Variants in SNAP47 observed in about 807,000 individuals in gnomAD.
The protein encoded by SNAP47 is synaptosomal-associated protein 47.
SNAP47 carries 20 observed loss-of-function variants against 31.4 expected under a neutral mutation model. That is an observed-to-expected ratio of 0.64 (90% CI 0.45 to 0.93). The LOEUF is 0.93. SNAP47 is among the 40% of genes least tolerant of loss of function. The pLI is 0.00. For missense variants in SNAP47, 492 were observed against 528.5 expected (o/e 0.93, Z 0.68); for synonymous variants, 194 against 213.4 (o/e 0.91, Z 0.79).
chr1:227,736,670 T>G (rs1368825158), intron 1 of SNAP47, among the ~76,000 whole-genome samples: 1 of 149,388 alleles, frequency 6.7e-6, no homozygotes, highest in Non-Finnish European at 1.5e-5. Flanking sequence ...CAGCTTAGTT[T>G]TGTTTTTTTG....
chr1:227,776,545 A>G (rs930534652), intron 4 of SNAP47: 3 of 985,416 alleles, frequency 3.0e-6, no homozygotes, highest in African/African-American at 1.7e-5. Flanking sequence ...CACAATGGCT[A>G]GATGGCTTGT....
In SNAP47 at chr1:227,742,303, C is replaced by T. The variant is rs927086910; in HGVS notation, c.-45-5389C>T. 2.6e-5 allele frequency among the ~76,000 whole-genome samples: 4 copies of T among 152,246 alleles called. No homozygotes were observed. In the South Asian group the frequency reaches 6.2e-4, roughly 24 times the overall value. ...AGGCTGGAGTGCAGTGGTACAATCA[C>T]GACTCACTGCAGCCTGGACCTCCCA... On this transcript the variant is annotated intron_variant, in intron 1 of 4. Coordinates refer to ENST00000617596, the MANE Select transcript of SNAP47 (RefSeq NM_053052.4).
At chr1:227,775,039 C>G (rs999231606) in intron 4 of SNAP47, among the ~76,000 whole-genome samples, 1 of 152,176 alleles carries the variant, frequency 6.6e-6, no homozygotes, top group African/African-American at 2.4e-5. Flanking sequence ...CTCATTGCCT[C>G]GACCCACCGC....
At chr1:227,768,537 C>A (rs1432742138) in intron 4 of SNAP47, among the ~76,000 whole-genome samples, 1 of 152,218 alleles carries the variant, frequency 6.6e-6, no homozygotes, top group Non-Finnish European at 1.5e-5. Flanking sequence ...TTGAGGCCAG[C>A]TTGTTTGGGG....
At chr1:227,774,046 C>T (rs1240535404) in intron 4 of SNAP47, among the ~76,000 whole-genome samples, 1 of 152,224 alleles carries the variant, frequency 6.6e-6, no homozygotes, top group East Asian at 1.9e-4. Context: ...GGAGGAGACA[C>T]CTGCTGTGGA....
At chr1:227,771,970 C>T (rs2087290693) in intron 4 of SNAP47, among the ~76,000 whole-genome samples, 2 of 152,180 alleles carry the variant, frequency 1.3e-5, no homozygotes, top group Admixed American at 6.5e-5. Context: ...AGGCCACTAC[C>T]AGGCTGCACC....
chr1:227,774,319 C>T (rs1335149572), intron 4 of SNAP47, among the ~76,000 whole-genome samples: 3 of 152,228 alleles, frequency 2.0e-5, no homozygotes, highest in Non-Finnish European at 4.4e-5. Context: ...ATTACGCAGT[C>T]TTGGTTCAGG....
chr1:227,776,209 T>C (rs1011646716), intron 4 of SNAP47: 27 of 1,086,856 alleles, frequency 2.5e-5, no homozygotes, highest in Non-Finnish European at 3.0e-5. Context: ...ACTGATGCTC[T>C]AAGCTGCAGC....
At chr1:227,736,501 A>AGTTTTTT (rs1558187078) in intron 1 of SNAP47, 3 of 105,694 alleles carry the variant, frequency 2.8e-5, no homozygotes, top group South Asian at 3.2e-4. Context: ...AGCCCAGAGC[A>AGTTTTTT]GTTTTTTTTT....
intron 1 of SNAP47, chr1:227,735,775 C>G: frequency 2.1e-6 from 2 of 945,086 alleles, no homozygotes; most frequent in Non-Finnish European, 2.5e-6. Context: ...ATGGTGGGAT[C>G]TAGCGGAGAT....
chr1:227,779,888 C>T (rs1433964211), intron 4 of SNAP47, among the ~76,000 whole-genome samples: 3 of 152,174 alleles, frequency 2.0e-5, no homozygotes, highest in South Asian at 2.1e-4. Context: ...CCTGGCCCTG[C>T]GTGCCTCCAC....
At chr1:227,734,045 C>G, upstream of SNAP47, 1 of 1,610,588 alleles carries the variant, frequency 6.2e-7, no homozygotes, top group Non-Finnish European at 8.5e-7. Flanking sequence ...GTGAGGAGGG[C>G]GCAAGGGCAC....
At chr1:227,749,789 CTG>C (rs1662225206) in intron 2 of SNAP47, among the ~76,000 whole-genome samples, 1 of 124,408 alleles carries the variant, frequency 8.0e-6, no homozygotes, top group Non-Finnish European at 1.8e-5. Flanking sequence ...GTATGTGTGT[CTG>C]TGTGTTTCTG....
chr1:227,756,835 T>C (rs1283297652), intron 2 of SNAP47, among the ~76,000 whole-genome samples: 1 of 152,252 alleles, frequency 6.6e-6, no homozygotes, highest in African/African-American at 2.4e-5. Flanking sequence ...GTCCTGGTCC[T>C]GCCATGCCCC....
chr1:227,733,412 A>G, upstream of SNAP47: 1 of 1,571,804 alleles, frequency 6.4e-7, no homozygotes, highest in Non-Finnish European at 8.6e-7. Flanking sequence ...GCAGCACATT[A>G]CCAGGTTGTG....
intron 2 of SNAP47, 36 bp downstream of exon 2, chr1:227,748,269 A>G: frequency 6.6e-7 from 1 of 1,507,484 alleles, no homozygotes; most frequent in African/African-American, 1.4e-5. Context: ...AGGCACACAC[A>G]GAGTAAGATG....
At chr1:227,764,753 A>G (rs1663281959) in intron 3 of SNAP47, among the ~76,000 whole-genome samples, 1 of 152,136 alleles carries the variant, frequency 6.6e-6, no homozygotes, top group Non-Finnish European at 1.5e-5. Context: ...AAATAAAAAA[A>G]ATTAGCCGGG....
chr1:227,749,704 T>C (rs910477132), intron 2 of SNAP47, among the ~76,000 whole-genome samples: 1 of 152,100 alleles, frequency 6.6e-6, no homozygotes, highest in Non-Finnish European at 1.5e-5. Context: ...TCTATTGCTC[T>C]CTACCCCTTT....
chr1:227,777,005 T>C (rs1664199088), intron 4 of SNAP47: 2 of 985,362 alleles, frequency 2.0e-6, no homozygotes, highest in Non-Finnish European at 2.4e-6. Flanking sequence ...AAATTGTGCA[T>C]ATTATTACTG....
Sources: allele counts gnomAD v4.1 joint callset (sites outside exome capture counted in the v4.1 genomes callset), GRCh38; gene constraint gnomAD v4.1.1; transcripts MANE v1.5; gene names NCBI Gene and HGNC (gene_info 2026-07-23, HGNC 2026-07-21).